Variants in PCDHGB4 observed in about 807,000 individuals in gnomAD.
PCDHGB4 encodes protocadherin gamma-B4.
PCDHGB4 carries 38 observed loss-of-function variants against 60.5 expected under a neutral mutation model. The observed-to-expected ratio is 0.63, with a 90% CI of 0.48 to 0.82. The LOEUF (loss-of-function observed/expected upper bound fraction) is 0.82. PCDHGB4 is among the 40% of genes least tolerant of loss of function. The probability of loss-of-function intolerance (pLI) is 0.00; values close to 1 mark genes in which losing one functional copy is unlikely to be tolerated. For missense variants in PCDHGB4, 1,109 were observed against 1,209.6 expected (o/e 0.92, Z 1.23); for synonymous variants, 456 against 509.7 (o/e 0.89, Z 1.42).
At chr5:141,404,248 G>A in intron 1 of PCDHGB4, 2 of 1,613,812 alleles carry the variant, frequency 1.2e-6, no homozygotes, top group African/African-American at 2.7e-5. Flanking sequence ...CTCCGCCCCT[G>A]TCCACAGAAA....
rs1330784633 is a variant in PCDHGB4 at position 141,476,330 on chromosome 5, G to A, written c.2398-18477G>A. On this transcript the variant is annotated intron_variant, in intron 1 of 3. Transcript: ENST00000519479. This position sits in a 1 kb window ranked among gnomAD's most constrained non-coding sequence, Gnocchi z 7.6. ...CCGCAGGTTCCGGGTGGTGTCTGGA[G>A]CTAGCCGAAGATTCTTTGAGGTGAA... The A allele has an allele frequency of 1.2e-6, 2 of 1,614,092 alleles. No homozygotes were observed. The highest frequency in any genetic ancestry group is 1.6e-4 in the Middle Eastern group (1 of 6,084).
At chr5:141,413,318 T>C in intron 1 of PCDHGB4, 1 of 1,613,968 alleles carries the variant, frequency 6.2e-7, no homozygotes, top group Non-Finnish European at 8.5e-7. Flanking sequence ...AAAGGCTCTT[T>C]CGTGGGCAAC....
rs564486909 is a variant in PCDHGB4, at chr5:141,428,072, G to A, written c.2397+37791G>A. The A allele has an allele frequency of 1.6e-5, 25 of 1,609,080 alleles. No individual in the cohort carries two copies. The South Asian group carries it at 1.9e-4, about 12-fold the overall frequency. On this transcript the variant is annotated intron_variant, in intron 1 of 3. Coordinates refer to ENST00000519479, the MANE Select transcript of PCDHGB4 (RefSeq NM_003736.4). The stretch of plus-strand genomic sequence containing the variant: ...AGGTGGTGGCGGTGGACGCAGATTC[G>A]GGACACAACGCTTGGCTGTCCTACC...
At chr5:141,437,150 A>T (rs572721302) in intron 1 of PCDHGB4, among the ~76,000 whole-genome samples, 1 of 152,328 alleles carries the variant, frequency 6.6e-6, no homozygotes, top group East Asian at 1.9e-4. Flanking sequence ...CATAATTAAC[A>T]TATGTGTTGA....
At chr5:141,507,680 A>C (rs73794928) in intron 3 of PCDHGB4, among the ~76,000 whole-genome samples, 2,806 of 152,362 alleles carry the variant, frequency 0.018, 91 homozygotes, top group African/African-American at 0.063. Flanking sequence ...GATGTTAAAA[A>C]CAGAAATGAA....
chr5:141,395,213 T>C, intron 1 of PCDHGB4: 1 of 1,613,280 alleles, frequency 6.2e-7, no homozygotes, highest in Non-Finnish European at 8.5e-7. Flanking sequence ...TTCATGAATA[T>C]AAGAATGAAG....
Position 141,387,920 on chromosome 5 carries a change from G to A in PCDHGB4, c.36G>A (p.Glu12=). 12 of 1,481,924 alleles carry A rather than the reference G, an allele frequency of 8.1e-6. No homozygotes were observed. The highest frequency in any genetic ancestry group is 1.1e-5 in the Non-Finnish European group (12 of 1,118,580). 91.8% of individuals were successfully genotyped at this position (1,481,924 alleles called of 1,614,324 possible). ...GSGAGELGRA[E]RLPVLFLFLL... is the part of the protein sequence containing the mutation. ...GCGCCGGGGAGCTGGGCCGGGCTGA[G>A]AGGCTGCCAGTGCTCTTTCTCTTCC... is the stretch of plus-strand genomic sequence containing the variant. Residue 12 remains glutamate (E), a synonymous_variant, in exon 1 of 4, where the codon GAG becomes GAA. Transcript: ENST00000519479.
chr5:141,416,747 T>A (rs920641906), intron 1 of PCDHGB4: 2 of 152,240 alleles, frequency 1.3e-5, no homozygotes, highest in African/African-American at 4.8e-5. Flanking sequence ...AATAGTGACG[T>A]ATTAGGTAGA....
chr5:141,453,746 T>C (rs1345046460), intron 1 of PCDHGB4, among the ~76,000 whole-genome samples: 1 of 152,254 alleles, frequency 6.6e-6, no homozygotes, highest in Non-Finnish European at 1.5e-5. Flanking sequence ...TTAAATAACA[T>C]AAGTCTCCTA....
intron 1 of PCDHGB4, chr5:141,414,141 A>T (rs1162904324): frequency 1.3e-6 from 2 of 1,597,216 alleles, no homozygotes; most frequent in East Asian, 2.3e-5. Context: ...ATGAAATAGA[A>T]ATACAAGCAG....
intron 1 of PCDHGB4, among the ~76,000 whole-genome samples, chr5:141,483,722 C>G (rs1043315057): frequency 6.6e-6 from 1 of 152,080 alleles, no homozygotes; most frequent in Non-Finnish European, 1.5e-5. Context: ...TATTGGTTCC[C>G]ACCATAGTCA....
At chr5:141,448,394 T>C (rs1360417681) in intron 1 of PCDHGB4, among the ~76,000 whole-genome samples, 1 of 152,206 alleles carries the variant, frequency 6.6e-6, no homozygotes. Context: ...TACATTTACA[T>C]GGTTTTAAAA....
Position 141,389,847 on chromosome 5 carries a change from A to T in PCDHGB4, c.1963A>T (p.Thr655Ser), listed in dbSNP as rs541124715. 1 of 1,614,066 alleles carries T rather than the reference A, an allele frequency of 6.2e-7. No individual in the cohort carries two copies. Among genetic ancestry groups the T allele is most frequent in the African/African-American group, 1.3e-5 (1 of 75,084 alleles). Residue 655 changes from threonine (T) to serine (S), a missense_variant, in exon 1 of 4, where the codon ACT (threonine) becomes TCT (serine). This residue lies in a region of PCDHGB4 where 1,068 missense variants were observed against 1,089.9 expected (regional missense o/e 0.98). Transcript: ENST00000519479. ...CGGTGGACAGCCACCACTCTCGGCCACTGCCACGTTGCACCTGGTCTTCGC... is the reference window on the plus strand; with the variant it reads ...CGGTGGACAGCCACCACTCTCGGCCTCTGCCACGTTGCACCTGGTCTTCGC... Reference protein sequence around the residue: ...RDGGQPPLSATATLHLVFADS... With the variant: ...RDGGQPPLSASATLHLVFADS...
intron 1 of PCDHGB4, chr5:141,410,718 TA>T: frequency 7.1e-7 from 1 of 1,402,688 alleles, no homozygotes; most frequent in Non-Finnish European, 9.6e-7. Context: ...ATCATATGTT[TA>T]AAATCCATAG....
At chr5:141,423,529 C>T in intron 1 of PCDHGB4, 1 of 1,613,754 alleles carries the variant, frequency 6.2e-7, no homozygotes, top group South Asian at 1.1e-5. Flanking sequence ...GCAGAAGAGT[C>T]ACCTGATTTT....
intron 1 of PCDHGB4, chr5:141,410,671 C>T: frequency 1.3e-6 from 2 of 1,563,260 alleles, no homozygotes; most frequent in Non-Finnish European, 1.7e-6. Context: ...ACTAGTTTCT[C>T]ATATTTTAGG....
intron 1 of PCDHGB4, chr5:141,400,191 A>C (rs781032596): frequency 5.0e-6 from 8 of 1,613,852 alleles, no homozygotes; most frequent in Non-Finnish European, 4.2e-6. Context: ...AGTTTTACCT[A>C]GTGGTGGCCT....
At chr5:141,498,352 C>T (rs1439698389) in intron 2 of PCDHGB4, among the ~76,000 whole-genome samples, 1 of 151,772 alleles carries the variant, frequency 6.6e-6, no homozygotes, top group Non-Finnish European at 1.5e-5. Flanking sequence ...AAAGCCTATG[C>T]AAAAGCCTTG....
In PCDHGB4 at chr5:141,477,073, G is replaced by A. The variant is rs755445666; in HGVS notation, c.2398-17734G>A. The A allele has an allele frequency of 1.2e-6, 2 of 1,614,264 alleles. No homozygotes were observed. The highest frequency in any genetic ancestry group is 2.2e-5 in the East Asian group (1 of 44,882). On this transcript the variant is annotated intron_variant, in intron 1 of 3. Coordinates refer to ENST00000519479, the MANE Select transcript of PCDHGB4 (RefSeq NM_003736.4). This position sits in a 1 kb window ranked among gnomAD's most constrained non-coding sequence, Gnocchi z 4.9. ...ACTTCGAGGACACCAAACTCCATGA[G>A]ATTTACATCCAGGCCAAAGACAAGG...
Sources: allele counts gnomAD v4.1 joint callset (sites outside exome capture counted in the v4.1 genomes callset), GRCh38; gene constraint gnomAD v4.1.1; regional missense constraint gnomAD v4.1.1; non-coding constraint Gnocchi (gnomAD v3.1); transcripts MANE v1.5; gene names NCBI Gene and HGNC (gene_info 2026-07-23, HGNC 2026-07-21).